SLC9A9: variants seen among roughly 807,000 people sequenced by gnomAD.
SLC9A9 encodes the protein solute carrier family 9 member A9.
In SLC9A9, 62 loss-of-function variants were observed where a neutral mutation model predicts 77.8. The observed-to-expected ratio is 0.80, with a 90% CI of 0.65 to 0.98. The LOEUF is 0.98. Among genes scored for constraint, SLC9A9 ranks in the 50% least tolerant of loss-of-function variants. The pLI, the probability that SLC9A9 is intolerant of heterozygous loss-of-function variation, is 0.00. For missense variants in SLC9A9, 775 were observed against 774.9 expected, an observed-to-expected ratio of 1.00 and a Z score of 0.00; for synonymous variants, 320 against 283.5, an observed-to-expected ratio of 1.13 and a Z score of -1.29.
At chr3:143,716,138 C>T (rs1934341972) in intron 4 of SLC9A9, among the ~76,000 whole-genome samples, 1 of 152,130 alleles carries the variant, frequency 6.6e-6, no homozygotes, top group Non-Finnish European at 1.5e-5. Flanking sequence ...GCAGTGGCAC[C>T]ACCATGGCTT....
At chr3:143,379,490 C>T (rs1275356358) in intron 13 of SLC9A9, among the ~76,000 whole-genome samples, 2 of 152,186 alleles carry the variant, frequency 1.3e-5, no homozygotes, top group African/African-American at 4.8e-5. Context: ...AACGTAAGTT[C>T]TTTGGTAATC....
intron 12 of SLC9A9, 79 bp downstream of exon 12, chr3:143,466,958 G>C: frequency 6.5e-7 from 1 of 1,540,078 alleles, no homozygotes; most frequent in Admixed American, 1.9e-5. Context: ...CTGTACTATT[G>C]ACTAAGTCAG....
At chr3:143,381,903 A>C in intron 13 of SLC9A9, 157 bp downstream of exon 13, 2 of 854,090 alleles carry the variant, frequency 2.3e-6, no homozygotes, top group Non-Finnish European at 3.9e-6. Flanking sequence ...CAACACCCTG[A>C]ATTCCCTTGT....
chr3:143,480,222 G>T (rs2035550885), intron 11 of SLC9A9, among the ~76,000 whole-genome samples: 1 of 152,216 alleles, frequency 6.6e-6, no homozygotes, highest in South Asian at 2.1e-4. Flanking sequence ...GGTTAAAAAT[G>T]CAAGAGCAGG....
intron 13 of SLC9A9, among the ~76,000 whole-genome samples, chr3:143,378,465 C>T (rs528399016): frequency 1.1e-4 from 16 of 152,096 alleles, no homozygotes; most frequent in Admixed American, 3.9e-4. Context: ...AGTGAGCAAA[C>T]GCATATAAGG....
intron 12 of SLC9A9, among the ~76,000 whole-genome samples, chr3:143,402,016 T>A (rs910082860): frequency 6.6e-6 from 1 of 152,094 alleles, no homozygotes; most frequent in Admixed American, 6.6e-5. Context: ...GATGATTACC[T>A]TGGTGAAACA....
intron 6 of SLC9A9, among the ~76,000 whole-genome samples, chr3:143,645,677 C>G (rs1049455355): frequency 1.3e-5 from 2 of 152,178 alleles, no homozygotes; most frequent in African/African-American, 2.4e-5. Context: ...AAGTGCCAAG[C>G]GTTCACTGGT....
Position 143,376,934 on chromosome 3 carries a change from G to T in SLC9A9, c.1524+5126C>A, listed in dbSNP as rs920516922. ...TTTCTGAAATATTCGTAGAAGTGTA[G>T]TGTGAAATTTACACTCTATGAGACT... On this transcript the variant is annotated intron_variant, in intron 13 of 15. Transcript: ENST00000316549. Among the ~76,000 whole-genome samples, 95 of 152,324 alleles carry T rather than the reference G, an allele frequency of 6.2e-4. 1 individual carries two copies. Among genetic ancestry groups the T allele is most frequent in the Admixed American group, 6.2e-3 (95 of 15,298 alleles).
At chr3:143,504,146 T>C (rs1576540839) in intron 9 of SLC9A9, 1 of 428,516 alleles carries the variant, frequency 2.3e-6, no homozygotes, top group East Asian at 6.6e-5. Flanking sequence ...ATGTAGGCCA[T>C]GCAGTTGAGG....
intron 4 of SLC9A9, among the ~76,000 whole-genome samples, chr3:143,721,672 C>T (rs1249610851): frequency 2.0e-5 from 3 of 152,124 alleles, no homozygotes; most frequent in Non-Finnish European, 4.4e-5. Context: ...CTTGAAGCAG[C>T]CACGTCTTTA....
At chr3:143,748,376 A>C (rs577026551) in intron 4 of SLC9A9, among the ~76,000 whole-genome samples, 13 of 152,292 alleles carry the variant, frequency 8.5e-5, no homozygotes, top group African/African-American at 2.9e-4. Flanking sequence ...AGCCTGCCAC[A>C]ACTGTCCTCA....
At position 143,546,283 on chromosome 3, in the gene SLC9A9, A is replaced by G. The variant is rs118078230; in HGVS notation, c.1089+6079T>C. ...GCTTTTCCATTCAATGGCGATAAAC[A>G]CTATAAATATCATCTGGGGGGAATG... On this transcript the variant is annotated intron_variant, in intron 9 of 15. Coordinates refer to ENST00000316549, the MANE Select transcript of SLC9A9 (RefSeq NM_173653.4). 1.4e-4 allele frequency among the ~76,000 whole-genome samples: 22 copies of G among 152,342 alleles called. 1 individual carries two copies. In the East Asian group the frequency reaches 4.1e-3, roughly 28 times the overall value.
At chr3:143,363,944 A>G (rs1033164538) in intron 13 of SLC9A9, among the ~76,000 whole-genome samples, 2 of 152,226 alleles carry the variant, frequency 1.3e-5, no homozygotes, top group Non-Finnish European at 2.9e-5. Flanking sequence ...TAAAGTGAGG[A>G]TAATAGTCTA....
intron 9 of SLC9A9, among the ~76,000 whole-genome samples, chr3:143,523,758 C>A (rs535084311): frequency 6.6e-6 from 1 of 151,996 alleles, no homozygotes; most frequent in Non-Finnish European, 1.5e-5. Flanking sequence ...TAGGGATTCC[C>A]AATTAATAAT....
At chr3:143,770,294 T>G (rs2007472251) in intron 4 of SLC9A9, among the ~76,000 whole-genome samples, 1 of 152,018 alleles carries the variant, frequency 6.6e-6, no homozygotes, top group African/African-American at 2.4e-5. Context: ...TTAAAACATA[T>G]TTTACAGGCA....
At chr3:143,475,591 G>A (rs1365633514) in intron 11 of SLC9A9, among the ~76,000 whole-genome samples, 1 of 151,984 alleles carries the variant, frequency 6.6e-6, no homozygotes, top group African/African-American at 2.4e-5. Flanking sequence ...AGGAGATCGA[G>A]ACCATCCTGG....
intron 6 of SLC9A9, among the ~76,000 whole-genome samples, chr3:143,646,013 A>AT (rs1377640101): frequency 6.6e-6 from 1 of 152,084 alleles, no homozygotes; most frequent in African/African-American, 2.4e-5. Flanking sequence ...AACAGCCAAC[A>AT]TCTTCTTTCT....
chr3:143,556,191 T>C (rs916043271), intron 8 of SLC9A9, among the ~76,000 whole-genome samples: 1 of 152,250 alleles, frequency 6.6e-6, no homozygotes, highest in Non-Finnish European at 1.5e-5. Context: ...GAAGCTGTTA[T>C]GTGAGGTCCT....
At chr3:143,848,080 C>T (rs958217879) in intron 1 of SLC9A9, 68 bp downstream of exon 1, 8 of 1,427,442 alleles carry the variant, frequency 5.6e-6, no homozygotes, top group Non-Finnish European at 7.9e-6. Flanking sequence ...ACTTTGCTAT[C>T]TGAGCACAAG....
Sources: gnomAD v4.1 joint callset for allele counts (sites outside exome capture counted in the v4.1 genomes callset) on GRCh38, gnomAD v4.1.1 for gene constraint, MANE v1.5 for transcripts, NCBI Gene and HGNC (gene_info 2026-07-23, HGNC 2026-07-21) for gene names.